The following WNK3 variants were observed in gnomAD, a reference collection of about 807,000 sequenced individuals.
The protein encoded by WNK3 is serine/threonine-protein kinase WNK3.
In WNK3, 18 loss-of-function variants were observed where a neutral mutation model predicts 116.7. That is an observed-to-expected ratio of 0.15 (90% CI 0.11 to 0.23). The LOEUF is 0.23. WNK3 is among the 10% of genes least tolerant of loss of function. WNK3 has a pLI of 1.00. For missense variants in WNK3, 993 were observed against 1,323.8 expected (o/e 0.75, Z 3.88); for synonymous variants, 404 against 469.4 (o/e 0.86, Z 1.80).
chrX:54,301,404 T>C (rs182938188), intron 6 of WNK3, among the ~76,000 whole-genome samples: 1 of 111,231 alleles, frequency 9.0e-6, no homozygotes, highest in Non-Finnish European at 1.9e-5. Flanking sequence ...ATTAGCTTTA[T>C]CATTATCATG....
chrX:54,316,172 C>T (rs2068953175), intron 2 of WNK3, among the ~76,000 whole-genome samples: 1 of 111,142 alleles, frequency 9.0e-6, no homozygotes, highest in African/African-American at 3.3e-5. Flanking sequence ...CCCAATGTGA[C>T]TGTATTTGGA....
chrX:54,232,137 G>A (rs6612876), intron 21 of WNK3, among the ~76,000 whole-genome samples: 3 of 84,289 alleles, frequency 3.6e-5, no homozygotes, highest in East Asian at 3.6e-4. Flanking sequence ...ATATATATAT[G>A]TATGTATGTA....
exon 17 of WNK3, chrX:54,248,916 T>C: frequency 8.3e-7 from 1 of 1,211,286 alleles, no homozygotes; most frequent in Non-Finnish European, 1.1e-6. Context: ...AGGAAGAAAA[T>C]GGAGAGTCTA....
At chrX:54,196,841 T>C (rs1298854997) in exon 24 of WNK3, 1 of 111,727 alleles carries the variant, frequency 9.0e-6, no homozygotes, top group East Asian at 2.8e-4. Flanking sequence ...TAAAACCCAG[T>C]AAAGTGCAAC....
intron 10 of WNK3, among the ~76,000 whole-genome samples, chrX:54,277,361 C>T (rs1409834768): frequency 1.9e-5 from 2 of 106,480 alleles, no homozygotes; most frequent in East Asian, 2.9e-4. Flanking sequence ...TTTTTTGAGA[C>T]GGAGTCTTGC....
chrX:54,220,526 G>T (rs1208905740), intron 22 of WNK3, among the ~76,000 whole-genome samples: 1 of 110,895 alleles, frequency 9.0e-6, no homozygotes, highest in Non-Finnish European at 1.9e-5. Flanking sequence ...ACTTCAGCCT[G>T]AGGGACAGGG....
chrX:54,347,274 T>A (rs1392670949), intron 1 of WNK3, among the ~76,000 whole-genome samples: 5 of 111,695 alleles, frequency 4.5e-5, no homozygotes, highest in African/African-American at 1.6e-4. Context: ...TCACCTGAGG[T>A]CAAGAGTTCG....
At chrX:54,288,469 T>A (rs1233770648) in intron 10 of WNK3, among the ~76,000 whole-genome samples, 1 of 111,172 alleles carries the variant, frequency 9.0e-6, no homozygotes, top group Non-Finnish European at 1.9e-5. Flanking sequence ...GATGAATGAG[T>A]CATCTGCTGC....
intron 17 of WNK3, among the ~76,000 whole-genome samples, chrX:54,244,549 T>C (rs2068056020): frequency 9.0e-6 from 1 of 111,727 alleles, no homozygotes; most frequent in African/African-American, 3.3e-5. Flanking sequence ...AAACAAAAAC[T>C]CAGGACCCTA....
At chrX:54,335,782 C>A (rs1036346855) in intron 1 of WNK3, among the ~76,000 whole-genome samples, 3 of 112,154 alleles carry the variant, frequency 2.7e-5, no homozygotes, top group Admixed American at 9.5e-5. Context: ...TCAAGCTAAT[C>A]CTAAAATGCA....
intron 22 of WNK3, among the ~76,000 whole-genome samples, chrX:54,221,180 G>GATTAAGGC (rs1242351525): frequency 2.7e-5 from 3 of 111,962 alleles, no homozygotes; most frequent in Non-Finnish European, 5.6e-5. Context: ...ATTGCTAGCT[G>GATTAAGGC]ACCTAACTTA....
chrX:54,324,868 C>T (rs782122669), intron 2 of WNK3, among the ~76,000 whole-genome samples: 59 of 112,619 alleles, frequency 5.2e-4, no homozygotes, highest in African/African-American at 1.8e-3. Flanking sequence ...TTTTAAATTA[C>T]TTTTTCCTTT....
chrX:54,295,560 G>C (rs2068689239), intron 7 of WNK3, among the ~76,000 whole-genome samples: 1 of 112,217 alleles, frequency 8.9e-6, no homozygotes, highest in South Asian at 3.7e-4. Context: ...TCCTGTATGA[G>C]CACACTATCA....
intron 10 of WNK3, 127 bp downstream of exon 10, chrX:54,292,761 C>A: frequency 3.6e-4 from 135 of 377,374 alleles, no homozygotes; most frequent in Non-Finnish European, 4.4e-4. Flanking sequence ...GCATAAACAA[C>A]TTTTAGCTTT....
exon 24 of WNK3, chrX:54,198,595 C>T (rs1557140894): frequency 8.3e-6 from 10 of 1,207,173 alleles, no homozygotes; most frequent in Admixed American, 2.2e-5. Flanking sequence ...GACAGCTCCA[C>T]GGATTTGGGA....
intron 10 of WNK3, among the ~76,000 whole-genome samples, chrX:54,264,242 G>C (rs1463218980): frequency 9.2e-6 from 1 of 108,820 alleles, no homozygotes; most frequent in African/African-American, 3.3e-5. Flanking sequence ...CTGAGGCACG[G>C]GAATTGTTTG....
At chrX:54,284,072 T>G (rs182109274) in intron 10 of WNK3, among the ~76,000 whole-genome samples, 6 of 110,989 alleles carry the variant, frequency 5.4e-5, no homozygotes, top group African/African-American at 2.0e-4. Context: ...AATTAAATAC[T>G]TTGTCTCATT....
intron 1 of WNK3, among the ~76,000 whole-genome samples, chrX:54,352,990 A>T (rs2147350218): frequency 8.9e-6 from 1 of 112,303 alleles, no homozygotes; most frequent in Admixed American, 9.5e-5. Flanking sequence ...ATATTATATG[A>T]TTCCATTTAT....
chrX:54,198,434 C>T (rs372840598), exon 24 of WNK3: 2 of 1,209,060 alleles, frequency 1.7e-6, no homozygotes, highest in African/African-American at 3.5e-5. Flanking sequence ...GGAATTACTA[C>T]AGATTGTTGT....
Sources: gnomAD v4.1 joint callset for allele counts (sites outside exome capture counted in the v4.1 genomes callset) on GRCh38, gnomAD v4.1.1 for gene constraint, MANE v1.5 for transcripts, NCBI Gene and HGNC (gene_info 2026-07-23, HGNC 2026-07-21) for gene names.